SVEP1: variants seen among roughly 807,000 people sequenced by gnomAD.
SVEP1 encodes the protein sushi, von Willebrand factor type A, EGF and pentraxin domain containing 1.
Under a neutral mutation model 367.3 loss-of-function variants are expected in SVEP1, and 164 were observed. That is an observed-to-expected ratio of 0.45 (90% CI 0.39 to 0.51). The LOEUF is 0.51. SVEP1 is among the 20% of genes least tolerant of loss of function. SVEP1 has a pLI of 0.00. For missense variants in SVEP1, 4,117 were observed against 4,425.3 expected, an observed-to-expected ratio of 0.93 and a Z score of 1.98; for synonymous variants, 1,666 against 1,611.6, an observed-to-expected ratio of 1.03 and a Z score of -0.81.
chr9:110,514,384 G>A (rs759038475), intron 3 of SVEP1, among the ~76,000 whole-genome samples: 1 of 151,812 alleles, frequency 6.6e-6, no homozygotes, highest in African/African-American at 2.4e-5. Context: ...GTGGTGGCGT[G>A]TGCCTGTAAT....
chr9:110,572,970 T>C (rs1409627854), intron 1 of SVEP1, among the ~76,000 whole-genome samples: 6 of 152,038 alleles, frequency 3.9e-5, no homozygotes, highest in African/African-American at 7.2e-5. Flanking sequence ...AAGAGATTCC[T>C]ATATAATACT....
At chr9:110,383,557 T>TC (rs1554710148) in intron 43 of SVEP1, among the ~76,000 whole-genome samples, 1 of 151,252 alleles carries the variant, frequency 6.6e-6, no homozygotes, top group Non-Finnish European at 1.5e-5. Flanking sequence ...ACCCCTGTTG[T>TC]GGGGGGGTCT....
chr9:110,459,294 T>G (rs1489431966), intron 18 of SVEP1, among the ~76,000 whole-genome samples, 181 bp from the exon 19 acceptor site: 5 of 152,244 alleles, frequency 3.3e-5, no homozygotes, highest in Non-Finnish European at 7.3e-5. Context: ...CCTTCCTATC[T>G]TTAGTAACAC....
chr9:110,467,827 G>A (rs1828961251), intron 17 of SVEP1, among the ~76,000 whole-genome samples: 2 of 151,986 alleles, frequency 1.3e-5, no homozygotes, highest in Non-Finnish European at 2.9e-5. Context: ...GTAGAGACAG[G>A]ATTTTGCCAT....
At chr9:110,572,790 A>T (rs996410585) in intron 1 of SVEP1, among the ~76,000 whole-genome samples, 1 of 24,294 alleles carries the variant, frequency 4.1e-5, no homozygotes, top group Admixed American at 5.6e-4. Flanking sequence ...TCTCTCTCAC[A>T]AAAAAAAAAA....
chr9:110,537,330 A>C (rs1163188132), intron 3 of SVEP1, among the ~76,000 whole-genome samples: 1 of 152,052 alleles, frequency 6.6e-6, no homozygotes, highest in Non-Finnish European at 1.5e-5. Flanking sequence ...ACATGAACTA[A>C]TTAACAATGC....
chr9:110,565,034 T>C (rs905898750), intron 1 of SVEP1, among the ~76,000 whole-genome samples: 10 of 152,178 alleles, frequency 6.6e-5, no homozygotes, highest in East Asian at 1.9e-4. Context: ...AGAAAGATTT[T>C]AGTAAGCACT....
At chr9:110,445,470 C>G (rs1828578083) in intron 26 of SVEP1, among the ~76,000 whole-genome samples, 1 of 152,182 alleles carries the variant, frequency 6.6e-6, no homozygotes, top group Non-Finnish European at 1.5e-5. Flanking sequence ...GTATTTGAGT[C>G]AGAGTTTGAG....
chr9:110,398,113 A>G (rs1432795881), intron 40 of SVEP1, among the ~76,000 whole-genome samples: 1 of 151,888 alleles, frequency 6.6e-6, no homozygotes, highest in Non-Finnish European at 1.5e-5. Context: ...TACAGTAACC[A>G]AAACAGCATG....
chr9:110,519,783 A>G (rs1308887018), intron 3 of SVEP1, among the ~76,000 whole-genome samples: 2 of 152,182 alleles, frequency 1.3e-5, no homozygotes, highest in Admixed American at 1.3e-4. Context: ...AATGAAGTGA[A>G]GGGACAGTAG....
At chr9:110,512,811 G>C (rs1829740897) in intron 5 of SVEP1, 115 bp downstream of exon 5, 3 of 1,215,838 alleles carry the variant, frequency 2.5e-6, no homozygotes, top group Non-Finnish European at 3.6e-6. Context: ...TCTTTCTGTA[G>C]TATGGGGTCT....
At chr9:110,448,379 T>C (rs747625991) in intron 24 of SVEP1, among the ~76,000 whole-genome samples, 1 of 152,244 alleles carries the variant, frequency 6.6e-6, no homozygotes, top group Non-Finnish European at 1.5e-5. Flanking sequence ...AAATGCGAGT[T>C]AATGTTATTG....
intron 38 of SVEP1, 122 bp downstream of exon 38, chr9:110,406,038 C>A: frequency 8.1e-7 from 1 of 1,235,984 alleles, no homozygotes; most frequent in Non-Finnish European, 1.1e-6. Flanking sequence ...TTAAAAGCAC[C>A]AGTGTTTGGA....
chr9:110,489,601 A>G, intron 9 of SVEP1, 49 bp downstream of exon 9: 2 of 1,552,888 alleles, frequency 1.3e-6, no homozygotes, highest in Middle Eastern at 1.7e-4. Flanking sequence ...TGGGAGCCAC[A>G]GTTCAAGATG....
At chr9:110,528,320 ACCCAGTAGTG>A (rs1343655258) in intron 3 of SVEP1, among the ~76,000 whole-genome samples, 2 of 150,050 alleles carry the variant, frequency 1.3e-5, no homozygotes, top group Non-Finnish European at 3.0e-5. Flanking sequence ...TTGTGTAGAT[ACCCAGTAGTG>A]GGATTGCTGG....
In SVEP1 at chr9:110,390,284, T is replaced by TGTGTATATATACGTATATATAC. The variant is rs1554710760; in HGVS notation, c.9823-698_9823-697insGTATATATACGTATATATACAC. On this transcript the variant is annotated intron_variant, in intron 40 of 47. Transcript: ENST00000374469. Reference sequence around the variant, plus strand: ...GTATGTATATATATACTTATATATATACATACTTATATATACTTATATAAG... The same window carrying TGTGTATATATACGTATATATAC: ...GTATGTATATATATACTTATATATATGTGTATATATACGTATATATACACATACTTATATATACTTATATAAG... 4.3e-3 allele frequency among the ~76,000 whole-genome samples: 224 copies of TGTGTATATATACGTATATATAC among 52,240 alleles called. 8 individuals are homozygous for TGTGTATATATACGTATATATAC. The highest frequency in any genetic ancestry group is 6.2e-3 in the Non-Finnish European group (174 of 28,170). The allele number at this position is 52,240 out of a possible 152,430, so 34.3% of individuals were successfully genotyped here.
intron 32 of SVEP1, among the ~76,000 whole-genome samples, chr9:110,430,681 AC>A (rs1227672756): frequency 1.3e-5 from 2 of 152,224 alleles, no homozygotes; most frequent in African/African-American, 4.8e-5. Flanking sequence ...ACAACAATAT[AC>A]ATAATTTTTC....
At chr9:110,370,892 C>T (rs1827265308) in intron 46 of SVEP1, among the ~76,000 whole-genome samples, 1 of 152,130 alleles carries the variant, frequency 6.6e-6, no homozygotes, top group South Asian at 2.1e-4. Context: ...CAGGCTCTTT[C>T]CTGGATGAAA....
intron 13 of SVEP1, among the ~76,000 whole-genome samples, chr9:110,477,820 C>T (rs981332741): frequency 6.6e-6 from 1 of 152,176 alleles, no homozygotes; most frequent in East Asian, 1.9e-4. Flanking sequence ...AAGCCACCAT[C>T]ATCTCTTGCT....
Sources: allele counts gnomAD v4.1 joint callset (sites outside exome capture counted in the v4.1 genomes callset), GRCh38; gene constraint gnomAD v4.1.1; transcripts MANE v1.5; gene names NCBI Gene and HGNC (gene_info 2026-07-23, HGNC 2026-07-21).